Variants in BORA observed in about 807,000 individuals in gnomAD.
BORA encodes protein aurora borealis.
A neutral mutation model predicts 55.8 loss-of-function variants in BORA; 26 were observed. The ratio of observed to expected loss-of-function variants is 0.47; its 90% CI spans 0.34 to 0.65. BORA has a LOEUF of 0.65. Among genes scored for constraint, BORA ranks in the 30% least tolerant of loss-of-function variants. The pLI, the probability that BORA is intolerant of heterozygous loss-of-function variation, is 0.01. For missense variants in BORA, 568 were observed against 671.5 expected (o/e 0.85, Z 1.70); for synonymous variants, 201 against 216.9 (o/e 0.93, Z 0.64).
chr13:72,729,091 C>A lies in BORA; in HGVS notation c.151C>A (p.Pro51Thr). The A allele has an allele frequency of 6.5e-7, 1 of 1,549,786 alleles. No homozygotes were observed. Among genetic ancestry groups the A allele is most frequent in the Non-Finnish European group, 8.7e-7 (1 of 1,154,038 alleles). Residue 51 changes from proline (P) to threonine (T), a missense_variant and splice_region_variant, in exon 2 of 12, where the codon CCA becomes ACA. Coordinates refer to ENST00000390667, the MANE Select transcript of BORA (RefSeq NM_024808.5). Reference sequence around the variant, plus strand: ...TTCTGTTTTTAAATCAACAAAATTACCAGTAAGTTATTCCTGACTAGTGTT... The same window carrying A: ...TTCTGTTTTTAAATCAACAAAATTAACAGTAAGTTATTCCTGACTAGTGTT... ...SPSVFKSTKLPTPGKFRWSID... is the reference protein window; with the variant it reads ...SPSVFKSTKLTTPGKFRWSID...
chr13:72,741,115 T>C lies in BORA; in HGVS notation c.389-2422T>C, dbSNP rs113659955. Among the ~76,000 whole-genome samples, 1,213 of 152,314 alleles carry C rather than the reference T, an allele frequency of 8.0e-3. 18 individuals carry two copies. Among genetic ancestry groups the C allele is most frequent in the African/African-American group, 0.027 (1,108 of 41,562 alleles). On this transcript the variant is annotated intron_variant, in intron 5 of 11. Coordinates refer to ENST00000390667, the MANE Select transcript of BORA (RefSeq NM_024808.5). Reference sequence around the variant, plus strand: ...TTCAGTGCATATCCTCATGTGTTTTTATTTATGGACTTGAGTGAGAATTTC... The same window carrying C: ...TTCAGTGCATATCCTCATGTGTTTTCATTTATGGACTTGAGTGAGAATTTC...
At chr13:72,734,610 A>G (rs1329447156) in intron 3 of BORA, among the ~76,000 whole-genome samples, 1 of 152,236 alleles carries the variant, frequency 6.6e-6, no homozygotes, top group Non-Finnish European at 1.5e-5. Flanking sequence ...CAATTTTTAG[A>G]TGTATGTTGA....
At chr13:72,735,056 T>C (rs1486203518) in intron 4 of BORA, 51 bp downstream of exon 4, 1 of 1,368,676 alleles carries the variant, frequency 7.3e-7, no homozygotes, top group Admixed American at 1.8e-5. Context: ...CAATTCTGCA[T>C]GTACATCACT....
At chr13:72,736,069 C>T (rs778769792) in intron 4 of BORA, among the ~76,000 whole-genome samples, 16 of 152,086 alleles carry the variant, frequency 1.1e-4, no homozygotes, top group Admixed American at 3.9e-4. Flanking sequence ...ACTATGTTTA[C>T]TCCTGCTAAA....
intron 8 of BORA, 26 bp downstream of exon 8, chr13:72,745,233 G>T: frequency 6.3e-7 from 1 of 1,575,506 alleles, no homozygotes; most frequent in Admixed American, 1.7e-5. Context: ...AAAAGCAGTT[G>T]GCTAATATGC....
Position 72,746,481 on chromosome 13 carries a change from T to C in BORA, c.872-20T>C. 1.9e-6 allele frequency: 3 copies of C among 1,575,556 alleles called. No individual in the cohort carries two copies. The highest frequency in any genetic ancestry group is 2.6e-6 in the Non-Finnish European group (3 of 1,161,828). The stretch of plus-strand genomic sequence containing the variant: ...TTCATGTTTTTATGATGTGATTTTT[T>C]TTCCCTTCCCACCTTTCAGAACAAA... On this transcript the variant is annotated intron_variant, in intron 9 of 11. Coordinates refer to ENST00000390667, the MANE Select transcript of BORA (RefSeq NM_024808.5).
intron 3 of BORA, among the ~76,000 whole-genome samples, chr13:72,731,847 G>C (rs1215246586): frequency 6.6e-6 from 1 of 152,174 alleles, no homozygotes; most frequent in African/African-American, 2.4e-5. Context: ...GTATCCATTA[G>C]CAACAGAGCG....
chr13:72,746,928 G>A lies in BORA; in HGVS notation c.1299G>A (p.Val433=), dbSNP rs368967270. The A allele has an allele frequency of 3.1e-6, 5 of 1,614,118 alleles. No individual in the cohort carries two copies. Among genetic ancestry groups the A allele is most frequent in the Non-Finnish European group, 4.2e-6 (5 of 1,179,976 alleles). The change falls in exon 10 of 12, where the codon GTG becomes GTA. Residue 433 remains valine (V), a synonymous_variant. Transcript: ENST00000390667. ...DVEREKDNNT[V]DMVDPIEIAD... ...AAAGGGAGAAAGACAATAACACTGT[G>A]GATATGGTTGATCCTATAGAGATAG...
At chr13:72,747,136 C>A in intron 10 of BORA, 25 bp downstream of exon 10, 1 of 1,601,528 alleles carries the variant, frequency 6.2e-7, no homozygotes, top group Non-Finnish European at 8.5e-7. Context: ...ATTCTATAGC[C>A]CCTTCCTCAC....
intron 1 of BORA, chr13:72,728,236 C>T (rs770130918): frequency 5.6e-6 from 4 of 713,786 alleles, no homozygotes; most frequent in Non-Finnish European, 1.0e-5. Context: ...CAGAAGTAGA[C>T]TCTTTTCCAC....
In BORA at chr13:72,755,149, A is replaced by G; in HGVS notation, c.1615-2A>G. ...AACAAGGTATTGTCTTCTTTTTCAC[A>G]GCAAGACCACACAACACAGAGGTGT... On this transcript the variant is annotated splice_acceptor_variant, in intron 11 of 11. Transcript: ENST00000390667. LOFTEE classifies it high-confidence loss of function. 1.2e-6 allele frequency: 2 copies of G among 1,613,674 alleles called. No individual in the cohort carries two copies. Among genetic ancestry groups the G allele is most frequent in the Non-Finnish European group, 1.7e-6 (2 of 1,179,754 alleles).
At chr13:72,739,132 T>C (rs962822988) in intron 5 of BORA, among the ~76,000 whole-genome samples, 1 of 152,180 alleles carries the variant, frequency 6.6e-6, no homozygotes. Flanking sequence ...GAGTTGTCCA[T>C]TTACATCCCC....
At chr13:72,733,448 A>G (rs927912704) in intron 3 of BORA, among the ~76,000 whole-genome samples, 5 of 152,184 alleles carry the variant, frequency 3.3e-5, no homozygotes, top group Non-Finnish European at 7.3e-5. Flanking sequence ...TCTCCCCTGT[A>G]TGACTTCTTA....
At chr13:72,744,451 C>G (rs1160299457) in intron 6 of BORA, 54 bp from the exon 7 acceptor site, 1 of 1,460,886 alleles carries the variant, frequency 6.8e-7, no homozygotes, top group Non-Finnish European at 9.6e-7. Context: ...ATAGTGTATA[C>G]TTTCATTGAT....
intron 4 of BORA, among the ~76,000 whole-genome samples, chr13:72,737,614 G>T (rs1033102414): frequency 2.0e-5 from 3 of 151,942 alleles, no homozygotes; most frequent in African/African-American, 7.2e-5. Context: ...ATTCATACTG[G>T]CCTACTTGCA....
rs2138125437 is a variant in BORA at position 72,755,600 on chromosome 13, T to A, written c.*384T>A. 2.9e-6 allele frequency: 1 copy of A among 345,094 alleles called. No individual in the cohort carries two copies. The highest frequency in any genetic ancestry group is 7.5e-4 in the Middle Eastern group (1 of 1,330). 21.4% of individuals were successfully genotyped at this position (345,094 alleles called of 1,614,324 possible). A position where few individuals can be genotyped will look rare whatever the true frequency, so the allele number is the denominator to read the frequency against. On this transcript the variant is annotated 3_prime_UTR_variant, in exon 12 of 12. Coordinates refer to ENST00000390667, the MANE Select transcript of BORA (RefSeq NM_024808.5). ...CTATGTTAAAACTGAAGGCACTATA[T>A]ATTTTTACATAAAAGCTTGAACATA...
intron 8 of BORA, 55 bp from the exon 9 acceptor site, chr13:72,745,889 T>A: frequency 6.8e-7 from 1 of 1,468,334 alleles, no homozygotes. Context: ...GCATGCAGCA[T>A]AAGAGTTAAG....
rs993066085 is a variant in BORA at position 72,753,925 on chromosome 13, A to C, written c.1614+104A>C. On this transcript the variant is annotated intron_variant, in intron 11 of 11. Coordinates refer to ENST00000390667, the MANE Select transcript of BORA (RefSeq NM_024808.5). ...CTATTGAGAAACTATATGAAATTTA[A>C]AACACTAAAAGGTAAGCCTGTTTTC... 2.6e-5 allele frequency: 30 copies of C among 1,174,696 alleles called. 1 individual carries two copies. In the African/African-American group the frequency reaches 3.0e-4, roughly 12 times the overall value. 72.8% of individuals were successfully genotyped at this position (1,174,696 alleles called of 1,614,324 possible).
At chr13:72,738,929 G>A (rs2032984754) in intron 5 of BORA, among the ~76,000 whole-genome samples, 1 of 152,260 alleles carries the variant, frequency 6.6e-6, no homozygotes, top group Non-Finnish European at 1.5e-5. Context: ...TGATAAAAGT[G>A]GGAAAACCTG....
Sources: allele counts gnomAD v4.1 joint callset (sites outside exome capture counted in the v4.1 genomes callset), GRCh38; gene constraint gnomAD v4.1.1; transcripts MANE v1.5; gene names NCBI Gene and HGNC (gene_info 2026-07-23, HGNC 2026-07-21).